Variants in WASHC4 observed in about 807,000 individuals in gnomAD.
The protein encoded by WASHC4 is WASH complex subunit 4.
In WASHC4, 86 loss-of-function variants were observed where a neutral mutation model predicts 166.6. That is an observed-to-expected ratio of 0.52 (90% confidence interval 0.43 to 0.62). The LOEUF is 0.62. Ranked by LOEUF, WASHC4 falls within the 20% of genes least tolerant of loss-of-function variation. WASHC4 has a pLI of 0.00. For synonymous variants in WASHC4, 446 were observed against 451.6 expected, an observed-to-expected ratio of 0.99 and a Z score of 0.16; for missense variants, 1,262 against 1,382.4, an observed-to-expected ratio of 0.91 and a Z score of 1.38.
At chr12:105,143,309 G>A (rs1367307723) in intron 20 of WASHC4, 66 bp downstream of exon 20, 13 of 939,166 alleles carry the variant, frequency 1.4e-5, no homozygotes, top group Non-Finnish European at 2.3e-5. Flanking sequence ...GAAAAAAAAT[G>A]TTCGATTGAA....
intron 28 of WASHC4, 50 bp downstream of exon 28, chr12:105,157,372 G>A (rs370358563): frequency 1.9e-6 from 2 of 1,039,310 alleles, no homozygotes; most frequent in African/African-American, 1.6e-5. Flanking sequence ...AAAACATTCT[G>A]AAGAGAAGAC....
intron 2 of WASHC4, among the ~76,000 whole-genome samples, chr12:105,111,929 A>G (rs149300482): frequency 6.6e-6 from 1 of 152,310 alleles, no homozygotes; most frequent in East Asian, 1.9e-4. Flanking sequence ...ACTCATTTAA[A>G]TTGTATAATT....
At chr12:105,131,062 A>G (rs972026929) in intron 13 of WASHC4, among the ~76,000 whole-genome samples, 1 of 150,896 alleles carries the variant, frequency 6.6e-6, no homozygotes, top group African/African-American at 2.4e-5. Context: ...TTTTGTTTTT[A>G]TATATTTATT....
chr12:105,124,473 T>G (rs1196829), intron 10 of WASHC4, among the ~76,000 whole-genome samples: 76,360 of 151,244 alleles, frequency 0.5, 19,363 homozygotes, highest in Middle Eastern at 0.69. Flanking sequence ...TAGGTTTAGG[T>G]TTTTTTTGGT....
At chr12:105,143,525 T>C (rs1883040763) in intron 20 of WASHC4, among the ~76,000 whole-genome samples, 1 of 152,022 alleles carries the variant, frequency 6.6e-6, no homozygotes, top group Non-Finnish European at 1.5e-5. Context: ...TGAAATGGTT[T>C]TGAATGTTGA....
intron 7 of WASHC4, 53 bp downstream of exon 7, chr12:105,118,581 T>G (rs1438692502): frequency 9.7e-7 from 1 of 1,029,522 alleles, no homozygotes; most frequent in Non-Finnish European, 1.5e-6. Context: ...CAGAAAATGT[T>G]CTTTCTAAAA....
At chr12:105,109,961 T>A (rs1285083766) in intron 1 of WASHC4, among the ~76,000 whole-genome samples, 1 of 152,198 alleles carries the variant, frequency 6.6e-6, no homozygotes. Context: ...TCATTTCCTG[T>A]GTAGTTGAGA....
At chr12:105,110,258 C>G (rs1879541266) in intron 1 of WASHC4, among the ~76,000 whole-genome samples, 1 of 152,160 alleles carries the variant, frequency 6.6e-6, no homozygotes. Context: ...CTTTCTCTTA[C>G]TTGCTTCACA....
chr12:105,109,649 C>CTTTTT (rs36080234), intron 1 of WASHC4, among the ~76,000 whole-genome samples: 26 of 97,592 alleles, frequency 2.7e-4, no homozygotes, highest in East Asian at 5.7e-4. Flanking sequence ...CTAGCATTGT[C>CTTTTT]TTTTTTTTTT....
Position 105,121,097 on chromosome 12 carries a change from A to T in WASHC4, c.562-4A>T, listed in dbSNP as rs751976115. 1 of 1,604,526 alleles carries T rather than the reference A, an allele frequency of 6.2e-7. No homozygotes were observed. The highest frequency in any genetic ancestry group is 1.7e-5 in the Admixed American group (1 of 60,014). On this transcript the variant is annotated splice_region_variant and splice_polypyrimidine_tract_variant and intron_variant, in intron 8 of 32. Transcript: ENST00000332180. ...AATGATAATCATTAAAGGTTTTTTG[A>T]CAGACTATGTATGAGCACTTGGGAG...
In WASHC4 at chr12:105,124,212, C is replaced by T. The variant is rs144625484; in HGVS notation, c.787-1792C>T. Among the ~76,000 whole-genome samples the T allele has an allele frequency of 3.2e-3, 484 of 150,156 alleles. 20 individuals carry two copies. In the East Asian group the frequency reaches 0.072, roughly 22 times the overall value. ...TCGGCTCACCACAACCTCTGCCTCACGGGTTCAAGCAATTCTCCTGCCTCA... is the reference window on the plus strand; with the variant it reads ...TCGGCTCACCACAACCTCTGCCTCATGGGTTCAAGCAATTCTCCTGCCTCA... On this transcript the variant is annotated intron_variant, in intron 10 of 32. Transcript: ENST00000332180.
At chr12:105,123,855 A>G (rs946432096) in intron 10 of WASHC4, among the ~76,000 whole-genome samples, 9 of 152,180 alleles carry the variant, frequency 5.9e-5, no homozygotes, top group Admixed American at 1.3e-4. Flanking sequence ...AAAGAAAGCC[A>G]GTGCCCATTT....
At chr12:105,150,807 A>C (rs966714356) in intron 25 of WASHC4, among the ~76,000 whole-genome samples, 1 of 152,124 alleles carries the variant, frequency 6.6e-6, no homozygotes, top group African/African-American at 2.4e-5. Context: ...GAAACTTATA[A>C]TCATGGCGGA....
intron 32 of WASHC4, among the ~76,000 whole-genome samples, chr12:105,165,523 T>C (rs969727866): frequency 3.3e-5 from 5 of 152,240 alleles, no homozygotes; most frequent in Non-Finnish European, 7.3e-5. Context: ...TTAACCCTTA[T>C]AATTTTCATG....
At chr12:105,142,084 G>A (rs1424739869) in intron 18 of WASHC4, among the ~76,000 whole-genome samples, 3 of 151,502 alleles carry the variant, frequency 2.0e-5, no homozygotes. Context: ...TGTGATGCAA[G>A]TATTTAAGTC....
In WASHC4 at chr12:105,107,793, C is replaced by T. The variant is rs1252534162; in HGVS notation, c.-8C>T. On this transcript the variant is annotated 5_prime_UTR_variant, in exon 1 of 33. Transcript: ENST00000332180. ...GTTGGGGCTGTGTCTGTGGGAGGCG[C>T]CGGGGTGATGGCGGTGGAGACTCTG... 2.6e-6 allele frequency: 4 copies of T among 1,549,946 alleles called. No individual in the cohort carries two copies. The highest frequency in any genetic ancestry group is 1.4e-5 in the African/African-American group (1 of 72,996).
At chr12:105,137,065 T>C (rs1882391081) in intron 14 of WASHC4, among the ~76,000 whole-genome samples, 1 of 152,208 alleles carries the variant, frequency 6.6e-6, no homozygotes. Flanking sequence ...AAACTGTACA[T>C]GTGTCTCTTT....
intron 15 of WASHC4, among the ~76,000 whole-genome samples, chr12:105,139,425 G>GTGTGTGTGTGTGTGTGTGTGTGTGTA: frequency 8.7e-5 from 9 of 103,222 alleles, no homozygotes; most frequent in Middle Eastern, 6.5e-3. Context: ...ATGTGTGTGT[G>GTGTGTGTGTGTGTGTGTGTGTGTGTA]TATATATATA....
intron 13 of WASHC4, among the ~76,000 whole-genome samples, chr12:105,131,247 C>T (rs1023108705): frequency 1.1e-4 from 16 of 150,944 alleles, no homozygotes; most frequent in East Asian, 5.9e-4. Context: ...CCACCGCGCC[C>T]GGCTAATTTT....
Sources: allele counts gnomAD v4.1 joint callset (sites outside exome capture counted in the v4.1 genomes callset), GRCh38; gene constraint gnomAD v4.1.1; transcripts MANE v1.5; gene names NCBI Gene and HGNC (gene_info 2026-07-23, HGNC 2026-07-21).